Variants in TLL2 observed in about 807,000 individuals in gnomAD.
TLL2 encodes tolloid like 2, also known as tolloid-like protein 2.
A neutral mutation model predicts 123.0 loss-of-function variants in TLL2; 106 were observed. The ratio of observed to expected loss-of-function variants is 0.86; its 90% confidence interval spans 0.74 to 1.01. The LOEUF is 1.01. TLL2 is among the 50% of genes least tolerant of loss of function. The pLI, the probability that TLL2 is intolerant of heterozygous loss-of-function variation, is 0.00. For synonymous variants in TLL2, 494 were observed against 516.8 expected, an observed-to-expected ratio of 0.96 and a Z score of 0.60; for missense variants, 1,332 against 1,336.7, an observed-to-expected ratio of 1.00 and a Z score of 0.06.
chr10:96,444,918 G>A (rs1410692968), intron 3 of TLL2, among the ~76,000 whole-genome samples: 2 of 149,124 alleles, frequency 1.3e-5, no homozygotes, highest in Admixed American at 6.6e-5. Context: ...GGCCAGGTGC[G>A]GTGGCTCACG....
chr10:96,502,897 C>T (rs577326224), intron 1 of TLL2, among the ~76,000 whole-genome samples: 1 of 147,936 alleles, frequency 6.8e-6, no homozygotes, highest in Non-Finnish European at 1.5e-5. Context: ...AACATCTCCA[C>T]TCAAGTGCTC....
intron 9 of TLL2, among the ~76,000 whole-genome samples, chr10:96,406,377 C>A (rs913636644): frequency 1.4e-4 from 21 of 152,136 alleles, no homozygotes; most frequent in Non-Finnish European, 2.9e-4. Flanking sequence ...CACACACCTG[C>A]TCCATCACGT....
intron 1 of TLL2, among the ~76,000 whole-genome samples, chr10:96,488,393 G>C (rs1295823618): frequency 6.6e-6 from 1 of 152,210 alleles, no homozygotes; most frequent in African/African-American, 2.4e-5. Context: ...CCATGGTGTG[G>C]GACTGGATCC....
At chr10:96,479,239 C>T (rs1443051046) in intron 2 of TLL2, among the ~76,000 whole-genome samples, 1 of 152,204 alleles carries the variant, frequency 6.6e-6, no homozygotes, top group African/African-American at 2.4e-5. Flanking sequence ...TCCTAAAGTA[C>T]ATAATTGCCC....
chr10:96,400,225 C>A (rs1311010772), intron 10 of TLL2, among the ~76,000 whole-genome samples: 2 of 152,120 alleles, frequency 1.3e-5, no homozygotes, highest in African/African-American at 2.4e-5. Flanking sequence ...ATTAATCCCA[C>A]TTCACAGACG....
At chr10:96,509,562 C>T (rs1247828859) in intron 1 of TLL2, among the ~76,000 whole-genome samples, 2 of 152,246 alleles carry the variant, frequency 1.3e-5, no homozygotes, top group African/African-American at 2.4e-5. Flanking sequence ...ATTCCTCCTG[C>T]TCCCTTAACC....
chr10:96,454,042 C>T (rs1037714554), intron 2 of TLL2, among the ~76,000 whole-genome samples: 22 of 141,660 alleles, frequency 1.6e-4, no homozygotes, highest in Admixed American at 9.2e-4. Flanking sequence ...CACACATATA[C>T]ACACAGTTGT....
intron 17 of TLL2, among the ~76,000 whole-genome samples, chr10:96,378,002 A>G (rs753384744): frequency 6.6e-6 from 1 of 152,218 alleles, no homozygotes; most frequent in Admixed American, 6.5e-5. Context: ...CCCATCTCAC[A>G]GGGGCTTGAC....
At chr10:96,454,212 G>A (rs991745191) in intron 2 of TLL2, among the ~76,000 whole-genome samples, 2 of 152,162 alleles carry the variant, frequency 1.3e-5, no homozygotes, top group Non-Finnish European at 2.9e-5. Context: ...AAGCTTTTGA[G>A]GGGGAATGAG....
intron 2 of TLL2, among the ~76,000 whole-genome samples, chr10:96,474,205 G>C (rs778731765): frequency 6.6e-6 from 1 of 152,062 alleles, no homozygotes; most frequent in Non-Finnish European, 1.5e-5. Flanking sequence ...CTTTCTTGCC[G>C]CCTTGCCCCC....
chr10:96,493,769 T>C (rs1016985449), intron 1 of TLL2, among the ~76,000 whole-genome samples: 2 of 152,060 alleles, frequency 1.3e-5, no homozygotes, highest in African/African-American at 4.8e-5. Flanking sequence ...AACACCAGCA[T>C]CCAGCGCAGG....
At chr10:96,428,903 C>A in intron 4 of TLL2, among the ~76,000 whole-genome samples, 155 bp from the exon 5 acceptor site, 1 of 152,072 alleles carries the variant, frequency 6.6e-6, no homozygotes, top group African/African-American at 2.4e-5. Context: ...CTCCTGGGTT[C>A]AAGCGATTCT....
chr10:96,510,278 C>G (rs1023989886), intron 1 of TLL2, among the ~76,000 whole-genome samples: 1 of 152,202 alleles, frequency 6.6e-6, no homozygotes, highest in Non-Finnish European at 1.5e-5. Flanking sequence ...GCTGTATTGA[C>G]AGCATCAGAA....
chr10:96,422,659 T>C lies in TLL2; in HGVS notation c.707A>G (p.Lys236Arg). The C allele has an allele frequency of 6.2e-7, 1 of 1,614,222 alleles. No homozygotes were observed. The highest frequency in any genetic ancestry group is 2.2e-5 in the East Asian group (1 of 44,880). The change falls in exon 6 of 21, where the codon AAG (lysine) becomes AGG (arginine). Residue 236 changes from lysine (K) to arginine (R), a missense_variant. Coordinates refer to ENST00000357947, the MANE Select transcript of TLL2 (RefSeq NM_012465.4). ...QAISIGKNCD[K>R]FGIVAHELGH... ...CAGCTCGTGAGCCACAATGCCAAAC[T>C]TGTCACAGTTCTTCCCAATGGATAT...
intron 2 of TLL2, among the ~76,000 whole-genome samples, chr10:96,447,023 G>A (rs1846902456): frequency 6.6e-6 from 1 of 152,230 alleles, no homozygotes; most frequent in South Asian, 2.1e-4. Context: ...CAAAACCAAT[G>A]TGTGATAGAA....
In TLL2 at chr10:96,413,311, A is replaced by T. The variant is rs764090013; in HGVS notation, c.929T>A (p.Val310Asp). The T allele has an allele frequency of 6.2e-6, 10 of 1,612,968 alleles. No homozygotes were observed. Among genetic ancestry groups the T allele is most frequent in the Admixed American group, 1.7e-5 (1 of 59,968 alleles). The part of the protein sequence containing the change: ...HYARNTFSRG[V>D]FLDTILPRQD... Reference sequence around the variant, plus strand: ...ACGGGGAAGGATGGTGTCTAAGAAAACTCCTCTACAGGAAGGAAAAAAGAC... The same window carrying T: ...ACGGGGAAGGATGGTGTCTAAGAAATCTCCTCTACAGGAAGGAAAAAAGAC... The change falls in exon 8 of 21, where the codon GTT becomes GAT. Residue 310 changes from valine to aspartate, a missense_variant. By Grantham distance (152) the Val-to-Asp change is radical. Coordinates refer to ENST00000357947, the MANE Select transcript of TLL2 (RefSeq NM_012465.4).
At chr10:96,459,604 A>T (rs1847052650) in intron 2 of TLL2, among the ~76,000 whole-genome samples, 1 of 135,570 alleles carries the variant, frequency 7.4e-6, no homozygotes, top group African/African-American at 2.7e-5. Context: ...TGTGAGGCGG[A>T]GGTTGCAGTC....
chr10:96,511,438 G>A (rs1308712315), intron 1 of TLL2, among the ~76,000 whole-genome samples: 2 of 152,338 alleles, frequency 1.3e-5, no homozygotes, highest in African/African-American at 2.4e-5. Flanking sequence ...CCAGGGAGAG[G>A]CCAATGAGTT....
chr10:96,366,432 C>A lies in TLL2; in HGVS notation c.*1656G>T, dbSNP rs565354547. On this transcript the variant is annotated 3_prime_UTR_variant, in exon 21 of 21. Transcript: ENST00000357947. ...ATTGATTAAGGCTTTGACAGCTGAT[C>A]TTTTACATACATACATATATACAGA... The A allele has an allele frequency of 1.6e-4, 25 of 152,736 alleles. No homozygotes were observed. In the East Asian group the frequency reaches 4.6e-3, roughly 28 times the overall value. 9.5% of individuals were successfully genotyped at this position (152,736 alleles called of 1,614,324 possible). A position where few individuals can be genotyped will look rare whatever the true frequency, so the allele number is the denominator to read the frequency against.
Sources: gnomAD v4.1 joint callset for allele counts (sites outside exome capture counted in the v4.1 genomes callset) on GRCh38, gnomAD v4.1.1 for gene constraint, MANE v1.5 for transcripts, NCBI Gene and HGNC (gene_info 2026-07-23, HGNC 2026-07-21) for gene names.